Variants in SPATS2L observed in about 807,000 individuals in gnomAD.
SPATS2L encodes the protein SPATS2-like protein.
Under a neutral mutation model 59.6 loss-of-function variants are expected in SPATS2L, and 30 were observed. The observed-to-expected ratio is 0.50, with a 90% confidence interval of 0.38 to 0.68. SPATS2L has a LOEUF of 0.68. Ranked by LOEUF, SPATS2L falls within the 30% of genes least tolerant of loss-of-function variation. The pLI, the probability that SPATS2L is intolerant of heterozygous loss-of-function variation, is 0.00. For missense variants in SPATS2L, 615 were observed against 700.0 expected (o/e 0.88, Z 1.37); for synonymous variants, 252 against 263.5 (o/e 0.96, Z 0.42).
chr2:200,474,378 C>G (rs1379594172), intron 12 of SPATS2L, among the ~76,000 whole-genome samples: 1 of 151,836 alleles, frequency 6.6e-6, no homozygotes, highest in Non-Finnish European at 1.5e-5. Flanking sequence ...ACAATCTCGG[C>G]CCACTGCAGC....
At chr2:200,322,598 C>T (rs2079601549) in intron 1 of SPATS2L, among the ~76,000 whole-genome samples, 2 of 152,178 alleles carry the variant, frequency 1.3e-5, no homozygotes, top group Admixed American at 1.3e-4. Flanking sequence ...CCATTCGGAA[C>T]ATTTCTCTTG....
At chr2:200,454,407 T>C (rs2085690314) in intron 8 of SPATS2L, among the ~76,000 whole-genome samples, 1 of 152,204 alleles carries the variant, frequency 6.6e-6, no homozygotes, top group Admixed American at 6.5e-5. Flanking sequence ...ACTCAATGCC[T>C]CCATCTCCAA....
intron 3 of SPATS2L, among the ~76,000 whole-genome samples, chr2:200,402,841 ATC>A (rs2082571248): frequency 6.6e-6 from 1 of 152,188 alleles, no homozygotes; most frequent in African/African-American, 2.4e-5. Context: ...CAAATAACAA[ATC>A]TAAGATATAG....
intron 3 of SPATS2L, among the ~76,000 whole-genome samples, chr2:200,404,748 A>G (rs2082637750): frequency 6.6e-6 from 1 of 152,152 alleles, no homozygotes; most frequent in Non-Finnish European, 1.5e-5. Flanking sequence ...AATGGGTCTC[A>G]TTGGGCTGAA....
intron 2 of SPATS2L, among the ~76,000 whole-genome samples, chr2:200,342,600 G>A (rs1423598980): frequency 1.3e-5 from 2 of 152,246 alleles, no homozygotes; most frequent in Admixed American, 6.5e-5. Context: ...TGGGGGAAGT[G>A]GAGAGCCAAA....
chr2:200,475,595 T>G lies in SPATS2L; in HGVS notation c.1282-2041T>G, dbSNP rs546109206. 6.6e-5 allele frequency among the ~76,000 whole-genome samples: 10 copies of G among 152,320 alleles called. No individual in the cohort carries two copies. In the East Asian group the frequency reaches 1.9e-3, roughly 29 times the overall value. On this transcript the variant is annotated intron_variant, in intron 12 of 12. Coordinates refer to ENST00000409140, the MANE Select transcript of SPATS2L (RefSeq NM_001100423.2). ...CAGTGAGCAGAGGGGTGACTTTGAA[T>G]AGAATGGGAGCCAGGTTTGCCCTAA...
chr2:200,352,992 T>A (rs949817072), intron 2 of SPATS2L, among the ~76,000 whole-genome samples: 5 of 152,170 alleles, frequency 3.3e-5, no homozygotes, highest in Non-Finnish European at 5.9e-5. Flanking sequence ...GACAACAGCA[T>A]CTACATGTTG....
Position 200,468,347 on chromosome 2 carries a change from TACACACAC to T in SPATS2L, c.957+973_957+980del, listed in dbSNP as rs141831238. On this transcript the variant is annotated intron_variant, in intron 10 of 12. Transcript: ENST00000409140. ...TTATCCACTTTTTCACCCAGTATAC[TACACACAC>T]ACACACACACACACACACACACACG... Among the ~76,000 whole-genome samples, 69 of 110,158 alleles carry T rather than the reference TACACACAC, an allele frequency of 6.3e-4. 1 individual carries two copies. The highest frequency in any genetic ancestry group is 2.0e-3 in the African/African-American group (63 of 31,290). 72.3% of individuals were successfully genotyped at this position (110,158 alleles called of 152,430 possible). A position where few individuals can be genotyped will look rare whatever the true frequency, so the allele number is the denominator to read the frequency against.
Position 200,450,394 on chromosome 2 carries a change from T to C in SPATS2L, c.789-9375T>C, listed in dbSNP as rs375660954. ...GAGTCCAGCTATGGGATAGGAATGGTTCATCACCACTTCTACTTTTTATTA... is the reference window on the plus strand; with the variant it reads ...GAGTCCAGCTATGGGATAGGAATGGCTCATCACCACTTCTACTTTTTATTA... On this transcript the variant is annotated intron_variant, in intron 8 of 12. Transcript: ENST00000409140. Among the ~76,000 whole-genome samples, 15 of 152,130 alleles carry C rather than the reference T, an allele frequency of 9.9e-5. No individual in the cohort carries two copies. In the East Asian group the frequency reaches 1.7e-3, roughly 18 times the overall value.
chr2:200,384,236 T>C (rs925681581), intron 2 of SPATS2L, among the ~76,000 whole-genome samples: 1 of 152,254 alleles, frequency 6.6e-6, no homozygotes, highest in African/African-American at 2.4e-5. Flanking sequence ...ATTTTCTGGC[T>C]ACTGTTAATG....
chr2:200,349,929 G>A (rs1450845844), intron 2 of SPATS2L, among the ~76,000 whole-genome samples: 2 of 152,176 alleles, frequency 1.3e-5, no homozygotes, highest in Non-Finnish European at 2.9e-5. Flanking sequence ...TCTCCTGCCT[G>A]GGGGTCTAAG....
intron 1 of SPATS2L, among the ~76,000 whole-genome samples, chr2:200,324,256 T>C (rs1229946283): frequency 6.6e-6 from 1 of 152,226 alleles, no homozygotes; most frequent in Admixed American, 6.5e-5. Context: ...AGGCAATTAA[T>C]GATTGAAATG....
intron 9 of SPATS2L, among the ~76,000 whole-genome samples, chr2:200,460,484 G>A (rs1284205766): frequency 5.3e-5 from 8 of 152,136 alleles, no homozygotes; most frequent in African/African-American, 1.9e-4. Context: ...GGTGGCTTAC[G>A]CCTGTAATCC....
At chr2:200,340,014 G>A (rs1340604139) in intron 2 of SPATS2L, among the ~76,000 whole-genome samples, 3 of 152,068 alleles carry the variant, frequency 2.0e-5, no homozygotes, top group Non-Finnish European at 4.4e-5. Context: ...GGTGACACTT[G>A]TGCCTCCATG....
chr2:200,340,620 T>C (rs1478270981), intron 2 of SPATS2L, among the ~76,000 whole-genome samples: 1 of 152,020 alleles, frequency 6.6e-6, no homozygotes, highest in East Asian at 1.9e-4. Flanking sequence ...GCACAGCCCT[T>C]TCTGCTCAGA....
At chr2:200,450,661 G>A (rs1194708363) in intron 8 of SPATS2L, among the ~76,000 whole-genome samples, 3 of 152,154 alleles carry the variant, frequency 2.0e-5, no homozygotes, top group Admixed American at 2.0e-4. Context: ...TGGATGTTAG[G>A]TGGCACCCAA....
intron 2 of SPATS2L, among the ~76,000 whole-genome samples, chr2:200,329,791 A>G (rs1259660244): frequency 1.3e-5 from 2 of 151,996 alleles, no homozygotes; most frequent in Non-Finnish European, 2.9e-5. Context: ...CAAAAAAAAA[A>G]AAATAGGGCT....
At position 200,384,026 on chromosome 2, in the gene SPATS2L, A is replaced by C. The variant is rs921336736; in HGVS notation, c.-22-5197A>C. On this transcript the variant is annotated intron_variant, in intron 2 of 12. Coordinates refer to ENST00000409140, the MANE Select transcript of SPATS2L (RefSeq NM_001100423.2). Reference sequence around the variant, plus strand: ...AGAAAGCGATTTGATAGGTCAGTACATTGATAGAACTTTGCATGTTTTATG... The same window carrying C: ...AGAAAGCGATTTGATAGGTCAGTACCTTGATAGAACTTTGCATGTTTTATG... 8.0e-6 allele frequency: 8 copies of C among 1,000,362 alleles called. No individual in the cohort carries two copies. In the Admixed American group the frequency reaches 4.3e-4, roughly 54 times the overall value. The allele number at this position is 1,000,362 out of a possible 1,614,324, so 62.0% of individuals were successfully genotyped here.
intron 3 of SPATS2L, among the ~76,000 whole-genome samples, chr2:200,408,750 G>A (rs2082773261): frequency 6.6e-6 from 1 of 152,268 alleles, no homozygotes; most frequent in Admixed American, 6.5e-5. Context: ...GTTAGTGCAA[G>A]CAAAAGGCCA....
Sources: allele counts gnomAD v4.1 joint callset (sites outside exome capture counted in the v4.1 genomes callset), GRCh38; gene constraint gnomAD v4.1.1; transcripts MANE v1.5; gene names NCBI Gene and HGNC (gene_info 2026-07-23, HGNC 2026-07-21).